CEACAM3: variants seen among roughly 807,000 people sequenced by gnomAD.
The protein encoded by CEACAM3 is cell adhesion molecule CEACAM3.
In CEACAM3, 32 loss-of-function variants were observed where a neutral mutation model predicts 30.1. That is an observed-to-expected ratio of 1.06 (90% CI 0.80 to 1.43). The LOEUF (loss-of-function observed/expected upper bound fraction) is 1.43, where lower values mean the gene tolerates loss of function less well. Ranked by LOEUF, CEACAM3 falls within the 40% of genes most tolerant of loss-of-function variation. The probability of loss-of-function intolerance (pLI) is 0.00; values close to 1 mark genes in which losing one functional copy is unlikely to be tolerated. For missense variants in CEACAM3, 290 were observed against 316.3 expected (o/e 0.92, Z 0.63); for synonymous variants, 134 against 127.2 (o/e 1.05, Z -0.36).
chr19:41,809,914 A>G (rs1555827330), intron 3 of CEACAM3, 51 bp from the exon 4 acceptor site: 3 of 1,596,808 alleles, frequency 1.9e-6, no homozygotes, highest in South Asian at 1.1e-5. Flanking sequence ...CGAACTCCAA[A>G]GTTGTGGCTT....
chr19:41,810,390 G>A (rs377076909), intron 5 of CEACAM3, 36 bp downstream of exon 5: 2 of 1,580,088 alleles, frequency 1.3e-6, no homozygotes, highest in Non-Finnish European at 1.7e-6. Context: ...TTCTACTGGG[G>A]TCCCAGCTGT....
chr19:41,797,063 C>G (rs1555825306), intron 1 of CEACAM3: 3 of 291,642 alleles, frequency 1.0e-5, no homozygotes, highest in African/African-American at 4.4e-5. Context: ...TCTTTGACCA[C>G]CAACCACAAG....
At chr19:41,804,594 T>C (rs1332279687) in intron 2 of CEACAM3, among the ~76,000 whole-genome samples, 1 of 152,220 alleles carries the variant, frequency 6.6e-6, no homozygotes, top group Non-Finnish European at 1.5e-5. Context: ...ACTTTCCCTC[T>C]GACCAGTTCT....
At chr19:41,807,079 A>C in intron 2 of CEACAM3, 5 of 1,609,092 alleles carry the variant, frequency 3.1e-6, no homozygotes, top group Non-Finnish European at 4.2e-6. Context: ...CAGGTGCCAC[A>C]CAGGGCAATC....
intron 2 of CEACAM3, among the ~76,000 whole-genome samples, chr19:41,804,863 T>C (rs1311598555): frequency 1.3e-5 from 2 of 151,618 alleles, no homozygotes; most frequent in Non-Finnish European, 2.9e-5. Flanking sequence ...TATAGTGAGA[T>C]CATAACTCCT....
At position 41,811,214 on chromosome 19, in the gene CEACAM3, C is replaced by G; in HGVS notation, c.736C>G (p.His246Asp). ...CACAAACATTTACTGCCGGATGGAC[C>G]ACAAAGCAGAAGTGGCTTCTTAGCT... ...HDTNIYCRMDHKAEVAS is the reference protein window; with the variant it reads ...HDTNIYCRMDDKAEVAS The change falls in exon 7 of 7, where the codon CAC (histidine) becomes GAC (aspartate). Residue 246 changes from histidine to aspartate, a missense_variant. His to Asp is a moderately conservative substitution (Grantham distance 81). Coordinates refer to ENST00000357396, the MANE Select transcript of CEACAM3 (RefSeq NM_001815.5). 6.2e-7 allele frequency: 1 copy of G among 1,613,990 alleles called. No homozygotes were observed. Among genetic ancestry groups the G allele is most frequent in the South Asian group, 1.1e-5 (1 of 91,078 alleles).
chr19:41,803,219 G>A (rs2073166214), intron 2 of CEACAM3, among the ~76,000 whole-genome samples: 1 of 152,180 alleles, frequency 6.6e-6, no homozygotes. Context: ...TGCAGGAACA[G>A]ATGGGTGATG....
In CEACAM3 at chr19:41,797,816, C is replaced by T. The variant is rs201591864; in HGVS notation, c.292C>T (p.Arg98Ter). Reference protein sequence around the residue: ...QATPGAAYSGRETIYTNASLL... With the variant: ...QATPGAAYSG ...TACCCCAGGGGCCGCATACAGCGGT[C>T]GAGAGACAATATACACCAATGCATC... Residue 98 changes from arginine to a stop codon, truncating the protein, a stop_gained, in exon 2 of 7, where the codon CGA becomes TGA. Transcript: ENST00000357396. LOFTEE classifies it high-confidence loss of function. 1.2e-5 allele frequency: 19 copies of T among 1,612,776 alleles called. No individual in the cohort carries two copies. The highest frequency in any genetic ancestry group is 1.6e-5 in the Non-Finnish European group (19 of 1,180,014).
At chr19:41,800,878 C>T (rs1346816027) in intron 2 of CEACAM3, among the ~76,000 whole-genome samples, 2 of 152,068 alleles carry the variant, frequency 1.3e-5, no homozygotes, top group Non-Finnish European at 1.5e-5. Flanking sequence ...TGGTAGTGAT[C>T]CCCCCGGGGC....
intron 2 of CEACAM3, chr19:41,807,422 A>G: frequency 6.3e-7 from 1 of 1,575,542 alleles, no homozygotes; most frequent in East Asian, 2.3e-5. Flanking sequence ...CCAGGCTTCC[A>G]GCCCAAATCC....
At chr19:41,801,700 G>A (rs1402080697) in intron 2 of CEACAM3, among the ~76,000 whole-genome samples, 1 of 152,150 alleles carries the variant, frequency 6.6e-6, no homozygotes, top group Non-Finnish European at 1.5e-5. Flanking sequence ...ATCCTGGTGT[G>A]CTGAAACTGC....
intron 2 of CEACAM3, among the ~76,000 whole-genome samples, chr19:41,807,938 C>T (rs112872120): frequency 3.1e-3 from 479 of 152,328 alleles, no homozygotes; most frequent in African/African-American, 0.011. Context: ...TCCCCAACAT[C>T]GCAGTGGATA....
chr19:41,805,046 T>C (rs1190935773), intron 2 of CEACAM3, among the ~76,000 whole-genome samples: 1 of 152,088 alleles, frequency 6.6e-6, no homozygotes, highest in African/African-American at 2.4e-5. Flanking sequence ...GATTTTCAGA[T>C]TTGGGATGCT....
At chr19:41,798,368 C>G (rs1475897984) in intron 2 of CEACAM3, among the ~76,000 whole-genome samples, 4 of 152,178 alleles carry the variant, frequency 2.6e-5, no homozygotes, top group African/African-American at 9.6e-5. Flanking sequence ...ATTCCTGACT[C>G]CAGGTGACCC....
intron 2 of CEACAM3, among the ~76,000 whole-genome samples, chr19:41,799,361 G>C (rs1227673787): frequency 6.6e-6 from 1 of 152,088 alleles, no homozygotes; most frequent in African/African-American, 2.4e-5. Context: ...GACACCACCT[G>C]CTCCCCCTTC....
In CEACAM3 at chr19:41,797,948, CGTGA is replaced by C. The variant is rs781983222; in HGVS notation, c.424+3_424+6del. 6.9e-6 allele frequency: 11 copies of C among 1,593,786 alleles called. No homozygotes were observed. The highest frequency in any genetic ancestry group is 5.7e-5 in the South Asian group (5 of 87,636). On this transcript the variant is annotated splice_donor_variant and splice_donor_region_variant and intron_variant, in intron 2 of 6. Coordinates refer to ENST00000357396, the MANE Select transcript of CEACAM3 (RefSeq NM_001815.5). LOFTEE classifies it high-confidence loss of function. ...AGCAACTGGACAGTTCCATGTATAC[CGTGA>C]GTATTTCCACATGACCTCTGGGTGT... is the stretch of plus-strand genomic sequence containing the variant.
In CEACAM3 at chr19:41,807,844, C is replaced by T. The variant is rs570849197; in HGVS notation, c.425-969C>T. 8.1e-4 allele frequency among the ~76,000 whole-genome samples: 124 copies of T among 152,356 alleles called. 2 individuals are homozygous for T. The highest frequency in any genetic ancestry group is 2.9e-3 in the African/African-American group (119 of 41,574). ...CATCCAGGGGCAAATCTCAACCTCT[C>T]CTGCCACATGGCCTCTAACCCACCT... On this transcript the variant is annotated intron_variant, in intron 2 of 6. Transcript: ENST00000357396.
intron 2 of CEACAM3, among the ~76,000 whole-genome samples, chr19:41,805,837 C>T (rs940491022): frequency 2.0e-5 from 3 of 152,196 alleles, no homozygotes; most frequent in Non-Finnish European, 4.4e-5. Flanking sequence ...TGCAAACGTT[C>T]ATATGTATTT....
Position 41,797,812 on chromosome 19 carries a change from C to T in CEACAM3, c.288C>T (p.Ser96=), listed in dbSNP as rs782428338. The change falls in exon 2 of 7, where the codon AGC becomes AGT. Residue 96 remains serine, a synonymous_variant. Transcript: ENST00000357396. ...TQQATPGAAY[S]GRETIYTNAS... The stretch of plus-strand genomic sequence containing the variant: ...AAGCTACCCCAGGGGCCGCATACAG[C>T]GGTCGAGAGACAATATACACCAATG... 2.3e-5 allele frequency: 37 copies of T among 1,612,660 alleles called. No homozygotes were observed. The highest frequency in any genetic ancestry group is 1.6e-4 in the Middle Eastern group (1 of 6,082).
Sources: gnomAD v4.1 joint callset for allele counts (sites outside exome capture counted in the v4.1 genomes callset) on GRCh38, gnomAD v4.1.1 for gene constraint, MANE v1.5 for transcripts, NCBI Gene and HGNC (gene_info 2026-07-23, HGNC 2026-07-21) for gene names.